The following SMC5 variants were observed in gnomAD, a reference collection of about 807,000 sequenced individuals.
SMC5 encodes the protein structural maintenance of chromosomes protein 5.
SMC5 carries 88 observed loss-of-function variants against 148.3 expected under a neutral mutation model. The ratio of observed to expected loss-of-function variants is 0.59; its 90% CI spans 0.50 to 0.71. The LOEUF is 0.71. Ranked by LOEUF, SMC5 falls within the 30% of genes least tolerant of loss-of-function variation. The probability of loss-of-function intolerance (pLI) is 0.00; values close to 1 mark genes in which losing one functional copy is unlikely to be tolerated. For missense variants in SMC5, 1,142 were observed against 1,298.9 expected (o/e 0.88, Z 1.86); for synonymous variants, 421 against 432.8 (o/e 0.97, Z 0.34).
intron 17 of SMC5, among the ~76,000 whole-genome samples, chr9:70,326,813 A>G (rs1319558882): frequency 2.6e-5 from 4 of 152,064 alleles, no homozygotes; most frequent in Admixed American, 2.6e-4. Context: ...CTAACAGAGA[A>G]AAATTATTCC....
At chr9:70,347,814 G>T in intron 21 of SMC5, 97 bp downstream of exon 21, 2 of 1,250,032 alleles carry the variant, frequency 1.6e-6, no homozygotes. Flanking sequence ...TAAGAGAAGT[G>T]TGTTATGCCC....
At position 70,277,398 on chromosome 9, in the gene SMC5, A is replaced by G; in HGVS notation, c.469A>G (p.Thr157Ala). 1 of 1,607,284 alleles carries G rather than the reference A, an allele frequency of 6.2e-7. No homozygotes were observed. Among genetic ancestry groups the G allele is most frequent in the Non-Finnish European group, 8.5e-7 (1 of 1,176,620 alleles). ...TTGGTTCATCAACAAAAAATCTACA[A>G]CCCAGAAAATAGTGGAAGAGAAAGT... ...SFWFINKKSTTQKIVEEKVAA... is the reference protein window; with the variant it reads ...SFWFINKKSTAQKIVEEKVAA... Residue 157 changes from threonine (T) to alanine (A), a missense_variant, in exon 4 of 25, where the codon ACC (threonine) becomes GCC (alanine). Thr to Ala is a moderately conservative substitution (Grantham distance 58, BLOSUM62 0). Coordinates refer to ENST00000361138, the MANE Select transcript of SMC5 (RefSeq NM_015110.4).
rs2035748281 is a variant in SMC5, at chr9:70,314,659, C to T, written c.1579-83C>T. ...GAGTTTCTTATCCATCCCACGAATGCCAGTAGGAGTATGGTAACTATAAAT... is the reference window on the plus strand; with the variant it reads ...GAGTTTCTTATCCATCCCACGAATGTCAGTAGGAGTATGGTAACTATAAAT... On this transcript the variant is annotated intron_variant, in intron 11 of 24. Transcript: ENST00000361138. The T allele has an allele frequency of 8.5e-6, 5 of 586,022 alleles. No individual in the cohort carries two copies. In the Admixed American group the frequency reaches 1.8e-4, roughly 21 times the overall value. 36.3% of individuals were successfully genotyped at this position (586,022 alleles called of 1,614,324 possible). A position where few individuals can be genotyped will look rare whatever the true frequency, so the allele number is the denominator to read the frequency against.
In SMC5 at chr9:70,270,710, A is replaced by C. The variant is rs142045152; in HGVS notation, c.380+2735A>C. Among the ~76,000 whole-genome samples the C allele has an allele frequency of 4.0e-3, 563 of 140,652 alleles. 3 individuals are homozygous for C. The highest frequency in any genetic ancestry group is 0.014 in the African/African-American group (521 of 36,630). The allele number at this position is 140,652 out of a possible 152,430, so 92.3% of individuals were successfully genotyped here. A position where few individuals can be genotyped will look rare whatever the true frequency, so the allele number is the denominator to read the frequency against. Reference sequence around the variant, plus strand: ...CGCCCAGGCTGGGGTGCAGTGGTGCAATCTCGGCTCACTGCAACCTCTGTC... The same window carrying C: ...CGCCCAGGCTGGGGTGCAGTGGTGCCATCTCGGCTCACTGCAACCTCTGTC... On this transcript the variant is annotated intron_variant, in intron 3 of 24. Coordinates refer to ENST00000361138, the MANE Select transcript of SMC5 (RefSeq NM_015110.4).
chr9:70,270,115 C>T (rs374988165), intron 3 of SMC5, among the ~76,000 whole-genome samples: 74 of 152,246 alleles, frequency 4.9e-4, no homozygotes, highest in Middle Eastern at 6.8e-3. Context: ...ACTTTATATG[C>T]CATTTGTAAG....
At chr9:70,259,410 T>C (rs1564015709) in intron 1 of SMC5, 147 bp downstream of exon 1, 1 of 794,818 alleles carries the variant, frequency 1.3e-6, no homozygotes, top group East Asian at 2.8e-5. Flanking sequence ...CCCTTGAGGA[T>C]TTTCCTACGT....
intron 3 of SMC5, among the ~76,000 whole-genome samples, chr9:70,276,071 C>T (rs957847333): frequency 6.6e-6 from 1 of 152,192 alleles, no homozygotes; most frequent in Non-Finnish European, 1.5e-5. Flanking sequence ...TAGATTCCGG[C>T]AGAGGAAATT....
chr9:70,327,537 G>A (rs1294729943), intron 17 of SMC5, among the ~76,000 whole-genome samples: 3 of 152,080 alleles, frequency 2.0e-5, no homozygotes, highest in East Asian at 1.9e-4. Flanking sequence ...AAATAATATT[G>A]GTCGCTTTGG....
chr9:70,318,148 C>G (rs921169796), intron 13 of SMC5, among the ~76,000 whole-genome samples: 5 of 152,024 alleles, frequency 3.3e-5, no homozygotes, highest in Admixed American at 2.6e-4. Context: ...TTTGGAAGAC[C>G]CAGGCGGGAG....
chr9:70,328,903 C>A (rs1293557242), intron 17 of SMC5, among the ~76,000 whole-genome samples: 3 of 152,204 alleles, frequency 2.0e-5, no homozygotes, highest in Admixed American at 1.3e-4. Flanking sequence ...TCAACTCTTG[C>A]CTTCTGCACA....
chr9:70,262,889 T>A (rs774581314), intron 1 of SMC5, among the ~76,000 whole-genome samples: 1 of 152,074 alleles, frequency 6.6e-6, no homozygotes, highest in Non-Finnish European at 1.5e-5. Flanking sequence ...AATCAGAAGA[T>A]TGATTTTAAA....
At position 70,274,121 on chromosome 9, in the gene SMC5, G is replaced by A. The variant is rs145743744; in HGVS notation, c.381-3189G>A. Among the ~76,000 whole-genome samples, 348 of 152,252 alleles carry A rather than the reference G, an allele frequency of 2.3e-3. 1 individual carries two copies. The highest frequency in any genetic ancestry group is 6.7e-3 in the Admixed American group (102 of 15,300). On this transcript the variant is annotated intron_variant, in intron 3 of 24. Coordinates refer to ENST00000361138, the MANE Select transcript of SMC5 (RefSeq NM_015110.4). ...AAATTGTTTATCTTCTCGCTTAGTC[G>A]CCCAGGCTGGAGTGCAGTGGCGTGA...
chr9:70,339,765 C>T (rs1407366236), intron 17 of SMC5, among the ~76,000 whole-genome samples: 2 of 151,990 alleles, frequency 1.3e-5, no homozygotes, highest in African/African-American at 2.4e-5. Context: ...ATGAGGGGAC[C>T]GTGGAGTTTG....
At chr9:70,347,556 A>AT (rs1201765389) in intron 20 of SMC5, 57 bp from the exon 21 acceptor site, 1 of 910,936 alleles carries the variant, frequency 1.1e-6, no homozygotes, top group African/African-American at 1.7e-5. Context: ...GCAAAATTGT[A>AT]TATAGTTTTA....
In SMC5 at chr9:70,350,459, C is replaced by G. The variant is rs774331529; in HGVS notation, c.3153C>G (p.Phe1051Leu). 1 of 1,593,484 alleles carries G rather than the reference C, an allele frequency of 6.3e-7. No individual in the cohort carries two copies. The highest frequency in any genetic ancestry group is 2.3e-5 in the East Asian group (1 of 44,302). Reference protein sequence around the residue: ...ACKENTSQYFFITPKLLQNLP... With the variant: ...ACKENTSQYFLITPKLLQNLP... ...AAGAAAATACATCTCAATACTTTTT[C>G]ATAACACCAAAGGTAGGTAAAAAGT... Residue 1051 changes from phenylalanine (F) to leucine (L), a missense_variant, in exon 24 of 25, where the codon TTC becomes TTG. By Grantham distance (22) the Phe-to-Leu change is conservative. Transcript: ENST00000361138.
chr9:70,327,276 G>A (rs1487381364), intron 17 of SMC5, among the ~76,000 whole-genome samples: 2 of 152,182 alleles, frequency 1.3e-5, no homozygotes, highest in Non-Finnish European at 2.9e-5. Context: ...TATCAGAGAT[G>A]ACTTGGTTAT....
intron 2 of SMC5, among the ~76,000 whole-genome samples, chr9:70,264,934 G>A (rs1196798428): frequency 1.3e-5 from 2 of 152,156 alleles, no homozygotes; most frequent in Non-Finnish European, 1.5e-5. Flanking sequence ...GCATGTTACT[G>A]TACTGAATAC....
chr9:70,289,655 A>G (rs2035007270), intron 8 of SMC5, among the ~76,000 whole-genome samples: 1 of 151,902 alleles, frequency 6.6e-6, no homozygotes, highest in East Asian at 1.9e-4. Context: ...CTGTTAACCA[A>G]GGTTTTCTCA....
At chr9:70,297,376 A>G (rs1172098633) in intron 8 of SMC5, among the ~76,000 whole-genome samples, 1 of 152,224 alleles carries the variant, frequency 6.6e-6, no homozygotes, top group Non-Finnish European at 1.5e-5. Flanking sequence ...ATAAACAATC[A>G]TTTTTAAATA....
Sources: gnomAD v4.1 joint callset for allele counts (sites outside exome capture counted in the v4.1 genomes callset) on GRCh38, gnomAD v4.1.1 for gene constraint, MANE v1.5 for transcripts, NCBI Gene and HGNC (gene_info 2026-07-23, HGNC 2026-07-21) for gene names.